OBSL1: variants seen among roughly 807,000 people sequenced by gnomAD.
OBSL1 encodes obscurin-like protein 1.
A neutral mutation model predicts 172.0 loss-of-function variants in OBSL1; 160 were observed. The observed-to-expected ratio is 0.93, with a 90% confidence interval of 0.82 to 1.06. OBSL1 has a LOEUF of 1.06. Among genes scored for constraint, OBSL1 ranks in the 50% least tolerant of loss-of-function variants. OBSL1 has a pLI of 0.00. For missense variants in OBSL1, 2,681 were observed against 2,715.4 expected (o/e 0.99, Z 0.28); for synonymous variants, 1,200 against 1,196.3 (o/e 1.00, Z -0.06).
rs376595664 is a variant in OBSL1 at position 219,556,083 on chromosome 2, C to A, written c.4546G>T (p.Asp1516Tyr). ...RLFIHGVILA[D>Y]QGTYGCESHH... Reference sequence around the variant, plus strand: ...CTCTCGCAGCCGTAGGTGCCCTGGTCGGCCAGTATGACACCATGGATGAAG... The same window carrying A: ...CTCTCGCAGCCGTAGGTGCCCTGGTAGGCCAGTATGACACCATGGATGAAG... Residue 1516 changes from aspartate to tyrosine, a missense_variant, in exon 14 of 21, where the codon GAC becomes TAC. By Grantham distance (160) the Asp-to-Tyr change is radical. Transcript: ENST00000404537. The A allele has an allele frequency of 3.1e-6, 5 of 1,613,892 alleles. No homozygotes were observed. The highest frequency in any genetic ancestry group is 4.2e-6 in the Non-Finnish European group (5 of 1,179,900).
rs140112967 is a variant in OBSL1 at position 219,565,515 on chromosome 2, CTG to C, written c.2135-3_2135-2del. ...GGGCTCAGGATGTGCACCGGGCTCT[CTG>C]TGTGGGGAGAAGTACAGATAAGCAC... On this transcript the variant is annotated splice_acceptor_variant and splice_polypyrimidine_tract_variant and intron_variant, in intron 5 of 20. Transcript: ENST00000404537. LOFTEE classifies it high-confidence loss of function. 315 of 1,605,126 alleles carry C rather than the reference CTG, an allele frequency of 2.0e-4. 2 individuals are homozygous for C. The East Asian group carries it at 6.3e-3, about 32-fold the overall frequency.
intron 5 of OBSL1, among the ~76,000 whole-genome samples, chr2:219,566,055 C>A (rs1339871992): frequency 6.6e-6 from 1 of 152,220 alleles, no homozygotes; most frequent in East Asian, 1.9e-4. Flanking sequence ...AGGAGCCCGA[C>A]TGCCTGGGTT....
At chr2:219,554,372 G>A (rs539227484) in intron 15 of OBSL1, 102 bp downstream of exon 15, 2 of 1,343,398 alleles carry the variant, frequency 1.5e-6, no homozygotes, top group South Asian at 1.3e-5. Context: ...ACTGAGACAG[G>A]CATGGTCAGT....
Position 219,565,342 on chromosome 2 carries a change from G to A in OBSL1, c.2307C>T (p.Arg769=), listed in dbSNP as rs774519709. The A allele has an allele frequency of 3.6e-5, 58 of 1,613,912 alleles. No individual in the cohort carries two copies. The highest frequency in any genetic ancestry group is 4.8e-5 in the Non-Finnish European group (57 of 1,179,906). ...SELLVVKMDG[R]KHRLILPEAK... ...CCTCAGGCAGGATCAGACGGTGTTT[G>A]CGCCCATCCATCTTCACCACCAGCA... Residue 769 remains arginine (R), a synonymous_variant, in exon 6 of 21, where the codon CGC becomes CGT. Transcript: ENST00000404537.
rs1456780501 is a variant in OBSL1 at position 219,570,670 on chromosome 2, G to C, written c.563C>G (p.Pro188Arg). 1 of 1,508,318 alleles carries C rather than the reference G, an allele frequency of 6.6e-7. No individual in the cohort carries two copies. The highest frequency in any genetic ancestry group is 2.1e-5 in the Admixed American group (1 of 47,816). 93.4% of individuals were successfully genotyped at this position (1,508,318 alleles called of 1,614,324 possible). A position where few individuals can be genotyped will look rare whatever the true frequency, so the allele number is the denominator to read the frequency against. ...GATGCGCAGTGCCAGGCTCGCGCCG[G>C]GGCCGTCCTCGGCGCGGCCCGGCTG... ...ALQPGRAEDGPGASLALRILA... is the reference protein window; with the variant it reads ...ALQPGRAEDGRGASLALRILA... Residue 188 changes from proline (P) to arginine (R), a missense_variant, in exon 1 of 21, where the codon CCC becomes CGC. Physicochemically the swap from Pro to Arg is moderately radical, Grantham distance 103. Coordinates refer to ENST00000404537, the MANE Select transcript of OBSL1 (RefSeq NM_015311.3).
intron 6 of OBSL1, 72 bp downstream of exon 6, chr2:219,565,170 C>G (rs1696789137): frequency 7.4e-6 from 11 of 1,483,674 alleles, no homozygotes; most frequent in African/African-American, 1.4e-5. Flanking sequence ...AGGCAGCAGA[C>G]CAGAGGGCAT....
Position 219,556,256 on chromosome 2 carries a change from A to T in OBSL1, c.4373T>A (p.Val1458Glu), listed in dbSNP as rs545841224. Residue 1458 changes from valine to glutamate, a missense_variant, in exon 14 of 21, where the codon GTG becomes GAG. By Grantham distance (121) the Val-to-Glu change is moderately radical (BLOSUM62 -2). Around this residue, in one of 5 missense-constraint regions of OBSL1, gnomAD observed 1,765 missense variants for 1,748.3 expected, o/e 1.01. Transcript: ENST00000404537. ...ELLFLRRLQD[V>E]RAEEGQDVCL... ...CACATCCTGGCCTTCCTCTGCCCGC[A>T]CATCCTGCAACCGCCGTAGGAACAG... 6 of 1,594,614 alleles carry T rather than the reference A, an allele frequency of 3.8e-6. No individual in the cohort carries two copies. In the African/African-American group the frequency reaches 4.0e-5, roughly 11 times the overall value.
intron 6 of OBSL1, 78 bp from the exon 7 acceptor site, chr2:219,563,705 CTG>C: frequency 6.7e-7 from 1 of 1,487,348 alleles, no homozygotes; most frequent in Non-Finnish European, 9.2e-7. Flanking sequence ...CCAGGAGACA[CTG>C]TTTCTGCACA....
rs1431657167 is a variant in OBSL1, at chr2:219,567,053, G to A, written c.1911C>T (p.Leu637=). The A allele has an allele frequency of 9.9e-6, 16 of 1,613,196 alleles. No homozygotes were observed. Among genetic ancestry groups the A allele is most frequent in the African/African-American group, 8.0e-5 (6 of 74,944 alleles). Residue 637 remains leucine, a synonymous_variant, in exon 5 of 21, where the codon CTC becomes CTT. Transcript: ENST00000404537. ...TACCCTGGATGATGGTGGAGAGATC[G>A]AGGGAGAAGACGGCATCTTCCCCGT... ...VYDGEDAVFS[L]DLSTIIQGTW...
At chr2:219,555,547 T>G in intron 14 of OBSL1, 1 of 820,154 alleles carries the variant, frequency 1.2e-6, no homozygotes, top group Non-Finnish European at 1.5e-6. Context: ...CCCAAAGTGT[T>G]AGGATTATAG....
Position 219,567,093 on chromosome 2 carries a change from T to A in OBSL1, c.1871A>T (p.Asp624Val). The change falls in exon 5 of 21, where the codon GAT becomes GTT. Residue 624 changes from aspartate to valine, a missense_variant. Physicochemically the swap from Asp to Val is radical, Grantham distance 152. This residue lies in a region of OBSL1 where 53 missense variants were observed against 85.5 expected (regional missense o/e 0.62). Transcript: ENST00000404537. ...PTARLVAGLE[D>V]VQVYDGEDAV... Reference sequence around the variant, plus strand: ...ATCTTCCCCGTCGTATACCTGCACATCCTCCAGACCTGCCACCAGGCGAGC... The same window carrying A: ...ATCTTCCCCGTCGTATACCTGCACAACCTCCAGACCTGCCACCAGGCGAGC... 6.2e-7 allele frequency: 1 copy of A among 1,613,260 alleles called. No individual in the cohort carries two copies. The highest frequency in any genetic ancestry group is 8.5e-7 in the Non-Finnish European group (1 of 1,179,820).
Position 219,566,914 on chromosome 2 carries a change from G to A in OBSL1, c.2050C>T (p.His684Tyr), listed in dbSNP as rs1425762155. 1.2e-6 allele frequency: 2 copies of A among 1,611,392 alleles called. No homozygotes were observed. Among genetic ancestry groups the A allele is most frequent in the Admixed American group, 3.3e-5 (2 of 59,986 alleles). ...CCGCTGTCCTGGTGCTTGACGGCAT[G>A]CAGGATGAGTCTGTGCTGCAGACCC... ...QKGLQHRLIL[H>Y]AVKHQDSGAL... The change falls in exon 5 of 21, where the codon CAT becomes TAT. Residue 684 changes from histidine to tyrosine, a missense_variant. His to Tyr is a moderately conservative substitution (Grantham distance 83). Transcript: ENST00000404537.
intron 12 of OBSL1, 54 bp downstream of exon 12, chr2:219,557,289 G>A: frequency 7.0e-7 from 1 of 1,421,970 alleles, no homozygotes; most frequent in South Asian, 1.5e-5. Context: ...CTAGAAAGTG[G>A]CAGATGGTCC....
chr2:219,566,896 C>T lies in OBSL1; in HGVS notation c.2068G>A (p.Asp690Asn). Reference sequence around the variant, plus strand: ...CTGAAGCCGACCAGGGCACCGCTGTCCTGGTGCTTGACGGCATGCAGGATG... The same window carrying T: ...CTGAAGCCGACCAGGGCACCGCTGTTCTGGTGCTTGACGGCATGCAGGATG... Reference protein sequence around the residue: ...RLILHAVKHQDSGALVGFSCP... With the variant: ...RLILHAVKHQNSGALVGFSCP... The change falls in exon 5 of 21, where the codon GAC (aspartate) becomes AAC (asparagine). Residue 690 changes from aspartate (D) to asparagine (N), a missense_variant. Asp to Asn is a conservative substitution (Grantham distance 23). This residue lies in a region of OBSL1 where 1,765 missense variants were observed against 1,748.3 expected (regional missense o/e 1.01). Coordinates refer to ENST00000404537, the MANE Select transcript of OBSL1 (RefSeq NM_015311.3). The T allele has an allele frequency of 1.9e-6, 3 of 1,608,866 alleles. No individual in the cohort carries two copies. The highest frequency in any genetic ancestry group is 2.6e-6 in the Non-Finnish European group (3 of 1,175,592).
Position 219,570,987 on chromosome 2 carries a change from G to A in OBSL1, c.246C>T (p.Tyr82=). ...CGGCCGCGTTGCGGGCGCGGCACAC[G>A]TAGACCCCCGCGTCGGTGGGCAGTG... ...TAALPTDAGV[Y]VCRARNAAGE... Residue 82 remains tyrosine (Y), a synonymous_variant, in exon 1 of 21, where the codon TAC becomes TAT. Coordinates refer to ENST00000404537, the MANE Select transcript of OBSL1 (RefSeq NM_015311.3). 3.7e-6 allele frequency: 5 copies of A among 1,369,636 alleles called. No individual in the cohort carries two copies. The highest frequency in any genetic ancestry group is 1.5e-5 in the African/African-American group (1 of 66,264). The allele number at this position is 1,369,636 out of a possible 1,614,324, so 84.8% of individuals were successfully genotyped here.
In OBSL1 at chr2:219,559,475, GTA is replaced by G; in HGVS notation, c.2974_2975del (p.Tyr992ProfsTer4). The G allele has an allele frequency of 6.2e-7, 1 of 1,613,692 alleles. No individual in the cohort carries two copies. The highest frequency in any genetic ancestry group is 8.5e-7 in the Non-Finnish European group (1 of 1,179,716). On this transcript the variant is annotated frameshift_variant, in exon 9 of 21. Coordinates refer to ENST00000404537, the MANE Select transcript of OBSL1 (RefSeq NM_015311.3). LOFTEE classifies it high-confidence loss of function. ...CGATCAAGGTCACCTCATCGCGAGG[GTA>G]TATGATCCGCACTGGGGGTTCTGCA... is the stretch of plus-strand genomic sequence containing the variant. ...TVTEPPVRII[Y>X]PRDEVTLIAV...
Position 219,552,976 on chromosome 2 carries a change from C to A in OBSL1, c.5038G>T (p.Gly1680Cys), listed in dbSNP as rs1705030. Residue 1680 changes from glycine (G) to cysteine (C), a missense_variant, in exon 17 of 21, where the codon GGC becomes TGC. Gly to Cys is a radical substitution (Grantham distance 159). Transcript: ENST00000404537. The part of the protein sequence containing the change: ...PSPRLRLQAL[G>C]TRRLLQLRRC... ...CGCAGCTGGAGAAGGCGGCGCGTGC[C>A]GAGGGCCTGGAGCCGGAGCCGCGGG... 1 of 1,530,866 alleles carries A rather than the reference C, an allele frequency of 6.5e-7. No individual in the cohort carries two copies. Among genetic ancestry groups the A allele is most frequent in the Non-Finnish European group, 8.7e-7 (1 of 1,143,084 alleles). The allele number at this position is 1,530,866 out of a possible 1,614,324, so 94.8% of individuals were successfully genotyped here.
Position 219,571,285 on chromosome 2 carries a change from C to T in OBSL1, c.-53G>A. 3 of 761,160 alleles carry T rather than the reference C, an allele frequency of 3.9e-6. No individual in the cohort carries two copies. Among genetic ancestry groups the T allele is most frequent in the South Asian group, 5.4e-5 (1 of 18,648 alleles). 47.2% of individuals were successfully genotyped at this position (761,160 alleles called of 1,614,324 possible). ...AACGGTGGGGGGGCAGGGGGGGGTGCGGAGGGCGAGCCGAGGCCCGGGGCG... is the reference window on the plus strand; with the variant it reads ...AACGGTGGGGGGGCAGGGGGGGGTGTGGAGGGCGAGCCGAGGCCCGGGGCG... On this transcript the variant is annotated 5_prime_UTR_variant, in exon 1 of 21. Transcript: ENST00000404537.
In OBSL1 at chr2:219,563,611, G is replaced by T. The variant is rs373392804; in HGVS notation, c.2424C>A (p.Ile808=). Reference sequence around the variant, plus strand: ...CGAACACATGTTCTCGGGGGTCCACGATGTGCACGGGAGGATCTGGGTGGG... The same window carrying T: ...CGAACACATGTTCTCGGGGGTCCACTATGTGCACGGGAGGATCTGGGTGGG... ...GVTVQDPPVH[I]VDPREHVFVH... is the part of the protein sequence containing the mutation. The change falls in exon 7 of 21, where the codon ATC becomes ATA. Residue 808 remains isoleucine, a synonymous_variant. Coordinates refer to ENST00000404537, the MANE Select transcript of OBSL1 (RefSeq NM_015311.3). 158 of 1,612,978 alleles carry T rather than the reference G, an allele frequency of 9.8e-5. 6 individuals are homozygous for T. The South Asian group carries it at 1.7e-3, about 18-fold the overall frequency.
Sources: allele counts gnomAD v4.1 joint callset (sites outside exome capture counted in the v4.1 genomes callset), GRCh38; gene constraint gnomAD v4.1.1; regional missense constraint gnomAD v4.1.1; transcripts MANE v1.5; gene names NCBI Gene and HGNC (gene_info 2026-07-23, HGNC 2026-07-21).